The following CACUL1 variants were observed in gnomAD, a reference collection of about 807,000 sequenced individuals.
CACUL1 encodes the protein CDK2-associated and cullin domain-containing protein 1.
In CACUL1, 13 loss-of-function variants were observed where a neutral mutation model predicts 45.2. The ratio of observed to expected loss-of-function variants is 0.29; its 90% CI spans 0.19 to 0.46. The LOEUF (loss-of-function observed/expected upper bound fraction) is 0.46, where lower values mean the gene tolerates loss of function less well. Ranked by LOEUF, CACUL1 falls within the 20% of genes least tolerant of loss-of-function variation. The pLI is 1.00. For missense variants in CACUL1, 421 were observed against 471.4 expected (o/e 0.89, Z 0.99); for synonymous variants, 197 against 174.2 (o/e 1.13, Z -1.03).
At chr10:118,735,462 A>G (rs1012798737) in intron 1 of CACUL1, among the ~76,000 whole-genome samples, 11 of 152,376 alleles carry the variant, frequency 7.2e-5, no homozygotes, top group Admixed American at 1.3e-4. Flanking sequence ...GCCCCAACAC[A>G]GACCTGCTGA....
At chr10:118,688,281 C>CA (rs772590666) in intron 7 of CACUL1, among the ~76,000 whole-genome samples, 125 of 152,352 alleles carry the variant, frequency 8.2e-4, no homozygotes, top group Non-Finnish European at 1.5e-3. Flanking sequence ...GTCAACACTA[C>CA]ACCTAGCCAA....
chr10:118,737,596 C>T (rs1301616190), intron 1 of CACUL1, among the ~76,000 whole-genome samples: 2 of 149,842 alleles, frequency 1.3e-5, no homozygotes, highest in African/African-American at 4.9e-5. Flanking sequence ...AGAGCAAACA[C>T]ACAGTTACTG....
intron 4 of CACUL1, among the ~76,000 whole-genome samples, 165 bp from the exon 5 acceptor site, chr10:118,701,573 T>C (rs185977918): frequency 3.2e-4 from 48 of 152,074 alleles, no homozygotes; most frequent in African/African-American, 1.1e-3. Context: ...GTTACTTGTC[T>C]TTCTGGCACG....
intron 3 of CACUL1, among the ~76,000 whole-genome samples, chr10:118,725,502 G>A (rs746898841): frequency 2.8e-4 from 42 of 152,060 alleles, no homozygotes; most frequent in South Asian, 1.0e-3. Context: ...TAATAAGGAC[G>A]AGAAAAGAGC....
intron 3 of CACUL1, among the ~76,000 whole-genome samples, chr10:118,728,632 A>G (rs1177513139): frequency 1.3e-5 from 2 of 152,224 alleles, no homozygotes; most frequent in East Asian, 3.8e-4. Flanking sequence ...CCCTGGTATA[A>G]AGATTATTTG....
intron 1 of CACUL1, among the ~76,000 whole-genome samples, chr10:118,740,149 A>AAAACAAAC (rs1039074501): frequency 6.6e-6 from 1 of 152,098 alleles, no homozygotes; most frequent in Non-Finnish European, 1.5e-5. Flanking sequence ...TCTGTCTCAG[A>AAAACAAAC]AAACAAACAA....
rs950595869 is a variant in CACUL1 at position 118,747,060 on chromosome 10, G to A, written c.367+7336C>T. Among the ~76,000 whole-genome samples, 6 of 152,206 alleles carry A rather than the reference G, an allele frequency of 3.9e-5. No homozygotes were observed. The East Asian group carries it at 5.8e-4, about 15-fold the overall frequency. On this transcript the variant is annotated intron_variant, in intron 1 of 8. Transcript: ENST00000369151. ...CTCAAAGGAGCGCCAACCCTATAAC[G>A]CAAGGGATCTAGGTTGCGCACTCCT...
intron 1 of CACUL1, among the ~76,000 whole-genome samples, chr10:118,734,407 T>C (rs1845723058): frequency 1.3e-5 from 2 of 152,204 alleles, no homozygotes; most frequent in African/African-American, 4.8e-5. Flanking sequence ...TCCTTTTCTG[T>C]ATGTAATGAG....
chr10:118,689,280 T>C (rs1447040502), intron 7 of CACUL1, among the ~76,000 whole-genome samples: 1 of 152,210 alleles, frequency 6.6e-6, no homozygotes, highest in Admixed American at 6.5e-5. Flanking sequence ...ACGTCCTTCC[T>C]GGCCAGTATG....
Position 118,686,119 on chromosome 10 carries a change from A to G in CACUL1, c.*9T>C, listed in dbSNP as rs749094929. 4 of 1,607,478 alleles carry G rather than the reference A, an allele frequency of 2.5e-6. No homozygotes were observed. In the Admixed American group the frequency reaches 6.7e-5, roughly 27 times the overall value. On this transcript the variant is annotated 3_prime_UTR_variant, in exon 9 of 9. Coordinates refer to ENST00000369151, the MANE Select transcript of CACUL1 (RefSeq NM_153810.5). The stretch of plus-strand genomic sequence containing the variant: ...CTTTTCAGGAAGGAAAGCATATTCA[A>G]TACATTCACTATCTGTACCCCCTGG...
intron 1 of CACUL1, among the ~76,000 whole-genome samples, chr10:118,735,259 C>T (rs1845729695): frequency 6.6e-6 from 1 of 152,190 alleles, no homozygotes; most frequent in South Asian, 2.1e-4. Flanking sequence ...GTTAGCCCTA[C>T]TATATAATCC....
rs540495038 is a variant in CACUL1, at chr10:118,753,323, G to C, written c.367+1073C>G. ...CGCTGTTCCCACACACAGTGTGTAA[G>C]ATTCCGACTATCTGCATCAAGGCAA... On this transcript the variant is annotated intron_variant, in intron 1 of 8. Transcript: ENST00000369151. Among the ~76,000 whole-genome samples, 149 of 152,378 alleles carry C rather than the reference G, an allele frequency of 9.8e-4. 2 individuals carry two copies. The highest frequency in any genetic ancestry group is 3.4e-3 in the African/African-American group (142 of 41,586).
At chr10:118,686,865 T>C (rs762759734) in intron 7 of CACUL1, 19 of 503,916 alleles carry the variant, frequency 3.8e-5, no homozygotes, top group Non-Finnish European at 5.9e-5. Context: ...CTCAAACACC[T>C]ATGAAAGTTC....
chr10:118,737,659 T>C (rs1465677853), intron 1 of CACUL1, among the ~76,000 whole-genome samples: 1 of 142,546 alleles, frequency 7.0e-6, no homozygotes, highest in African/African-American at 2.6e-5. Flanking sequence ...TGTAATAAAA[T>C]AGTAGAAACC....
At chr10:118,705,519 A>G (rs1469478807) in intron 4 of CACUL1, among the ~76,000 whole-genome samples, 6 of 152,218 alleles carry the variant, frequency 3.9e-5, no homozygotes, top group African/African-American at 1.4e-4. Flanking sequence ...TGAAAACTTC[A>G]GAAGTACTTA....
At chr10:118,721,422 T>G (rs1366138301) in intron 3 of CACUL1, among the ~76,000 whole-genome samples, 1 of 152,204 alleles carries the variant, frequency 6.6e-6, no homozygotes, top group Non-Finnish European at 1.5e-5. Flanking sequence ...TTATTTTGCT[T>G]AAAACCAAGA....
At chr10:118,738,889 T>A in intron 1 of CACUL1, among the ~76,000 whole-genome samples, 2 of 68,986 alleles carry the variant, frequency 2.9e-5, no homozygotes, top group African/African-American at 4.5e-5. Flanking sequence ...ATCCAAGTGC[T>A]CTTAAAAAAA....
chr10:118,707,128 T>C (rs1277335924), intron 4 of CACUL1, among the ~76,000 whole-genome samples: 2 of 152,238 alleles, frequency 1.3e-5, no homozygotes, highest in Non-Finnish European at 2.9e-5. Context: ...TCTATTTTTA[T>C]GGAATGATTT....
At chr10:118,747,338 A>C (rs1305456345) in intron 1 of CACUL1, among the ~76,000 whole-genome samples, 1 of 152,148 alleles carries the variant, frequency 6.6e-6, no homozygotes, top group Non-Finnish European at 1.5e-5. Context: ...CAACCACCCT[A>C]AAGAATTGTT....
Sources: allele counts gnomAD v4.1 joint callset (sites outside exome capture counted in the v4.1 genomes callset), GRCh38; gene constraint gnomAD v4.1.1; transcripts MANE v1.5; gene names NCBI Gene and HGNC (gene_info 2026-07-23, HGNC 2026-07-21).